The following USP34 variants were observed in gnomAD, a reference collection of about 807,000 sequenced individuals.
USP34 encodes ubiquitin specific peptidase 34.
Under a neutral mutation model 460.3 loss-of-function variants are expected in USP34, and 70 were observed. The observed-to-expected ratio is 0.15, with a 90% CI of 0.13 to 0.19. The LOEUF (loss-of-function observed/expected upper bound fraction) is 0.19, where lower values mean the gene tolerates loss of function less well. Ranked by LOEUF, USP34 falls within the 10% of genes least tolerant of loss-of-function variation. The pLI is 1.00. For missense variants in USP34, 3,985 were observed against 4,236.2 expected (o/e 0.94, Z 1.65); for synonymous variants, 1,647 against 1,405.3 (o/e 1.17, Z -3.85).
At chr2:61,309,431 G>A (rs1690517660) in intron 27 of USP34, among the ~76,000 whole-genome samples, 2 of 152,176 alleles carry the variant, frequency 1.3e-5, no homozygotes. Context: ...CACAATCACT[G>A]CTGTGCACCA....
intron 10 of USP34, among the ~76,000 whole-genome samples, chr2:61,363,028 A>C (rs1692321661): frequency 6.6e-6 from 1 of 152,208 alleles, no homozygotes; most frequent in Non-Finnish European, 1.5e-5. Flanking sequence ...AACAAAACCC[A>C]ATCAAAAATG....
intron 16 of USP34, among the ~76,000 whole-genome samples, chr2:61,340,042 T>C (rs1480429364): frequency 6.6e-6 from 1 of 152,166 alleles, no homozygotes; most frequent in Non-Finnish European, 1.5e-5. Context: ...AATCGTTTCC[T>C]TTCTACAGTC....
At chr2:61,277,642 T>G (rs1689410302) in intron 41 of USP34, 1 of 152,406 alleles carries the variant, frequency 6.6e-6, no homozygotes, top group Admixed American at 6.5e-5. Context: ...ATTCAAAATT[T>G]GCTTTTCTTG....
At chr2:61,442,417 A>AAAG (rs200028881) in intron 1 of USP34, among the ~76,000 whole-genome samples, 1,824 of 151,774 alleles carry the variant, frequency 0.012, 48 homozygotes, top group African/African-American at 0.041. Flanking sequence ...AAAAAAAAAA[A>AAAG]AAAAGAAAAA....
rs1042694139 is a variant in USP34, at chr2:61,275,339, G to C, written c.5433+2826C>G. ...ACAAAATGAATAGCCAAGCATGGCG[G>C]TGTGCGTTGGCTCACATCGGTAATC... On this transcript the variant is annotated intron_variant, in intron 41 of 79. Coordinates refer to ENST00000398571, the MANE Select transcript of USP34 (RefSeq NM_014709.4). Among the ~76,000 whole-genome samples the C allele has an allele frequency of 2.0e-5, 3 of 152,294 alleles. No individual in the cohort carries two copies. The East Asian group carries it at 5.8e-4, about 29-fold the overall frequency.
chr2:61,284,273 A>C (rs1572899699), intron 35 of USP34, among the ~76,000 whole-genome samples: 1 of 152,306 alleles, frequency 6.6e-6, no homozygotes, highest in South Asian at 2.1e-4. Context: ...CTCCTTTAAA[A>C]AATACATAAT....
At chr2:61,451,468 T>C (rs1695274996) in intron 1 of USP34, among the ~76,000 whole-genome samples, 1 of 151,228 alleles carries the variant, frequency 6.6e-6, no homozygotes, top group Non-Finnish European at 1.5e-5. Flanking sequence ...GCGGATCATC[T>C]GAGGTTGGCA....
intron 1 of USP34, among the ~76,000 whole-genome samples, chr2:61,437,737 C>A (rs1218996666): frequency 6.6e-6 from 1 of 150,566 alleles, no homozygotes; most frequent in African/African-American, 2.5e-5. Context: ...TGTACCACTG[C>A]ACTCCAGCCT....
At chr2:61,278,030 A>T in intron 41 of USP34, 135 bp downstream of exon 41, 1 of 1,143,486 alleles carries the variant, frequency 8.7e-7, no homozygotes, top group Non-Finnish European at 1.2e-6. Flanking sequence ...GAGTCGAATT[A>T]AACCCTTTTC....
At chr2:61,218,252 A>G (rs1290612386) in intron 67 of USP34, among the ~76,000 whole-genome samples, 1 of 148,674 alleles carries the variant, frequency 6.7e-6, no homozygotes, top group Non-Finnish European at 1.5e-5. Context: ...CACAGCTCTC[A>G]CATAGCTCTT....
chr2:61,307,806 G>A lies in USP34; in HGVS notation c.3817+3734C>T, dbSNP rs139006319. 2.7e-3 allele frequency among the ~76,000 whole-genome samples: 411 copies of A among 151,640 alleles called. 2 individuals carry two copies. The highest frequency in any genetic ancestry group is 8.8e-3 in the African/African-American group (360 of 40,942). On this transcript the variant is annotated intron_variant, in intron 27 of 79. Transcript: ENST00000398571. ...GTCACCCCTGTAATCCAAGGACTTT[G>A]GACGGCCAAGGGGGGAGGATAGCTT... is the stretch of plus-strand genomic sequence containing the variant.
intron 20 of USP34, among the ~76,000 whole-genome samples, chr2:61,329,966 T>C (rs1373147523): frequency 1.3e-5 from 2 of 152,088 alleles, no homozygotes; most frequent in African/African-American, 2.4e-5. Flanking sequence ...TGAACCAGCA[T>C]ATGGGAAGAC....
chr2:61,356,314 C>T (rs1692102027), intron 10 of USP34, among the ~76,000 whole-genome samples: 2 of 152,128 alleles, frequency 1.3e-5, no homozygotes. Context: ...ATGGCAAAAC[C>T]CTGTCTCTAC....
chr2:61,217,946 C>T (rs1320644342), intron 67 of USP34, among the ~76,000 whole-genome samples: 1 of 151,978 alleles, frequency 6.6e-6, no homozygotes, highest in Non-Finnish European at 1.5e-5. Context: ...CAGAGCAAGA[C>T]TCCATCTCGA....
chr2:61,222,545 A>C, intron 65 of USP34, 74 bp downstream of exon 65: 1 of 1,243,370 alleles, frequency 8.0e-7, no homozygotes, highest in Non-Finnish European at 1.2e-6. Flanking sequence ...TCTCGAGAAC[A>C]ATTAGGCTCA....
chr2:61,314,834 A>C (rs1428191782), intron 24 of USP34, 41 bp downstream of exon 24: 2 of 1,599,214 alleles, frequency 1.3e-6, no homozygotes, highest in Non-Finnish European at 1.7e-6. Context: ...AAACACCCTC[A>C]CATAGAAATT....
chr2:61,366,372 G>A (rs938822987), intron 10 of USP34, among the ~76,000 whole-genome samples: 1 of 152,194 alleles, frequency 6.6e-6, no homozygotes, highest in Admixed American at 6.5e-5. Context: ...ATGGACAGAA[G>A]GAAGACATGG....
chr2:61,299,815 T>C (rs1690164242), intron 29 of USP34, among the ~76,000 whole-genome samples: 1 of 152,208 alleles, frequency 6.6e-6, no homozygotes, highest in Non-Finnish European at 1.5e-5. Context: ...AAACCATTTT[T>C]CTAGACTATA....
chr2:61,367,319 C>A (rs1254891944), intron 10 of USP34, among the ~76,000 whole-genome samples: 1 of 150,384 alleles, frequency 6.6e-6, no homozygotes, highest in East Asian at 2.0e-4. Flanking sequence ...CGCACACACA[C>A]ACGCGCGCGC....
Sources: allele counts gnomAD v4.1 joint callset (sites outside exome capture counted in the v4.1 genomes callset), GRCh38; gene constraint gnomAD v4.1.1; transcripts MANE v1.5; gene names NCBI Gene and HGNC (gene_info 2026-07-23, HGNC 2026-07-21).